The following EEF2 variants were observed in gnomAD, a reference collection of about 807,000 sequenced individuals.
The protein encoded by EEF2 is eukaryotic translation elongation factor 2.
Under a neutral mutation model 85.3 loss-of-function variants are expected in EEF2, and 21 were observed. The observed-to-expected ratio is 0.25, with a 90% CI of 0.17 to 0.35. The LOEUF is 0.35. Among genes scored for constraint, EEF2 ranks in the 10% least tolerant of loss-of-function variants. The probability of loss-of-function intolerance (pLI) is 1.00; values close to 1 mark genes in which losing one functional copy is unlikely to be tolerated. For missense variants in EEF2, 825 were observed against 1,225.3 expected, an observed-to-expected ratio of 0.67 and a Z score of 4.88; for synonymous variants, 723 against 508.8, an observed-to-expected ratio of 1.42 and a Z score of -5.67.
In EEF2 at chr19:3,977,733, G is replaced by GGCAAGGACCAT; in HGVS notation, c.2067+85_2067+86insATGGTCCTTGC. The GGCAAGGACCAT allele has an allele frequency of 6.7e-7, 1 of 1,492,686 alleles. No homozygotes were observed. Among genetic ancestry groups the GGCAAGGACCAT allele is most frequent in the Non-Finnish European group, 8.9e-7 (1 of 1,123,762 alleles). The allele number at this position is 1,492,686 out of a possible 1,614,324, so 92.5% of individuals were successfully genotyped here. A position where few individuals can be genotyped will look rare whatever the true frequency, so the allele number is the denominator to read the frequency against. ...GGCCTTGCCCGCCTTGGCCCCATTA[G>GGCAAGGACCAT]GGTCTCTGTCTCGGGAGGCAGGACC... On this transcript the variant is annotated intron_variant, in intron 12 of 14. Coordinates refer to ENST00000309311, the MANE Select transcript of EEF2 (RefSeq NM_001961.4). The surrounding 1 kb of genome is among the most constrained non-coding windows in gnomAD (Gnocchi z 5.4).
rs768383239 is a variant in EEF2 at position 3,977,301 on chromosome 19, T to C, written c.2297A>G (p.Lys766Arg). 2 of 1,605,430 alleles carry C rather than the reference T, an allele frequency of 1.2e-6. No homozygotes were observed. Among genetic ancestry groups the C allele is most frequent in the East Asian group, 2.2e-5 (1 of 44,456 alleles). The change falls in exon 14 of 15, where the codon AAG becomes AGG. Residue 766 changes from lysine (K) to arginine (R), a missense_variant. Transcript: ENST00000309311. The surrounding 1 kb of genome is among the most constrained non-coding windows in gnomAD (Gnocchi z 5.4). Reference sequence around the variant, plus strand: ...GGACTCCTCGAACACGTGGCCCCGCTTCCTGTTCAAAACCCCGTAGATGCC... The same window carrying C: ...GGACTCCTCGAACACGTGGCCCCGCCTCCTGTTCAAAACCCCGTAGATGCC... ...VGGIYGVLNR[K>R]RGHVFEESQV... is the part of the protein sequence containing the mutation.
At position 3,977,921 on chromosome 19, in the gene EEF2, G is replaced by A. The variant is rs762472006; in HGVS notation, c.1965C>T (p.Asp655=). The change falls in exon 12 of 15, where the codon GAC becomes GAT. Residue 655 remains aspartate, a synonymous_variant. Coordinates refer to ENST00000309311, the MANE Select transcript of EEF2 (RefSeq NM_001961.4). The surrounding 1 kb of genome is among the most constrained non-coding windows in gnomAD (Gnocchi z 5.4). The stretch of plus-strand genomic sequence containing the variant: ...CGGTGAGGATGTTGGGGCCGGTGCC[G>A]TCGGGCCCAAAGCACCAGATCTTGC... ...EARKIWCFGP[D]GTGPNILTDI... 1.5e-5 allele frequency: 24 copies of A among 1,613,436 alleles called. No individual in the cohort carries two copies. Among genetic ancestry groups the A allele is most frequent in the East Asian group, 4.5e-5 (2 of 44,868 alleles).
chr19:3,984,727 G>C (rs2039797943), intron 1 of EEF2: 1 of 222,334 alleles, frequency 4.5e-6, no homozygotes, highest in Admixed American at 5.2e-5. Context: ...ACTTCCCCGA[G>C]CAAGAAGCTT....
In EEF2 at chr19:3,980,948, T is replaced by C; in HGVS notation, c.1043A>G (p.Asp348Gly). The change falls in exon 8 of 15, where the codon GAC becomes GGC. Residue 348 changes from aspartate to glycine, a missense_variant. Physicochemically the swap from Asp to Gly is moderately conservative, Grantham distance 94 (BLOSUM62 -1). Transcript: ENST00000309311. ...AVMRRWLPAG[D>G]ALLQMITIHL... ...GATGGTGATCATCTGCAACAAGGCG[T>C]CTCCGGCAGGCAGCCAGCGGCGCAT... 6.4e-7 allele frequency: 1 copy of C among 1,574,202 alleles called. No homozygotes were observed. Among genetic ancestry groups the C allele is most frequent in the Non-Finnish European group, 8.6e-7 (1 of 1,160,938 alleles).
In EEF2 at chr19:3,978,031, T is replaced by C; in HGVS notation, c.1855A>G (p.Lys619Glu). Reference sequence around the variant, plus strand: ...TCCTGACGGGCGGACACCTCGCCTTTATCGATGTCCTCGGCCAGGCCGTCG... The same window carrying C: ...TCCTGACGGGCGGACACCTCGCCTTCATCGATGTCCTCGGCCAGGCCGTCG... The part of the protein sequence containing the change: ...FPDGLAEDID[K>E]GEVSARQELK... The change falls in exon 12 of 15, where the codon AAA becomes GAA. Residue 619 changes from lysine (K) to glutamate (E), a missense_variant. Lys to Glu is a moderately conservative substitution (Grantham distance 56). Transcript: ENST00000309311. 6.2e-7 allele frequency: 1 copy of C among 1,604,658 alleles called. No individual in the cohort carries two copies.
chr19:3,978,621 C>T (rs1446387826), intron 11 of EEF2, among the ~76,000 whole-genome samples: 4 of 145,296 alleles, frequency 2.8e-5, no homozygotes, highest in Admixed American at 2.1e-4. Flanking sequence ...CTGGCTAACA[C>T]GGTGAAACCC....
At chr19:3,979,519 G>C in intron 10 of EEF2, 83 bp from the exon 11 acceptor site, 2 of 1,212,698 alleles carry the variant, frequency 1.6e-6, no homozygotes, top group Non-Finnish European at 1.2e-6. Flanking sequence ...TTTAGCTAGG[G>C]ACCCCGCCAG....
Position 3,979,326 on chromosome 19 carries a change from C to T in EEF2, c.1713+3G>A, listed in dbSNP as rs770338822. The T allele has an allele frequency of 6.2e-7, 1 of 1,613,286 alleles. No individual in the cohort carries two copies. Among genetic ancestry groups the T allele is most frequent in the Non-Finnish European group, 8.5e-7 (1 of 1,179,360 alleles). On this transcript the variant is annotated splice_donor_region_variant and intron_variant, in intron 11 of 14. Coordinates refer to ENST00000309311, the MANE Select transcript of EEF2 (RefSeq NM_001961.4). ...TGGGGAAGGCTGGTCACTGGCGCCT[C>T]ACCTTGATGGGGATGCAGGCGTGGT...
At chr19:3,982,209 GT>G in intron 5 of EEF2, 36 bp downstream of exon 5, 1 of 1,610,620 alleles carries the variant, frequency 6.2e-7, no homozygotes, top group Non-Finnish European at 8.5e-7. Context: ...CTACCCCCAG[GT>G]GTCAGGAATC....
At position 3,984,337 on chromosome 19, in the gene EEF2, A is replaced by C. The variant is rs748401411; in HGVS notation, c.17T>G (p.Val6Gly). 1 of 1,614,082 alleles carries C rather than the reference A, an allele frequency of 6.2e-7. No homozygotes were observed. Among genetic ancestry groups the C allele is most frequent in the South Asian group, 1.1e-5 (1 of 91,090 alleles). MVNFTVDQIRAIMDKK... is the reference protein window; with the variant it reads MVNFTGDQIRAIMDKK... Reference sequence around the variant, plus strand: ...GTCCATGATGGCGCGGATCTGGTCTACCGTGAAGTTCACCTGGGCAAGACA... The same window carrying C: ...GTCCATGATGGCGCGGATCTGGTCTCCCGTGAAGTTCACCTGGGCAAGACA... Residue 6 changes from valine (V) to glycine (G), a missense_variant, in exon 2 of 15, where the codon GTA (valine) becomes GGA (glycine). Coordinates refer to ENST00000309311, the MANE Select transcript of EEF2 (RefSeq NM_001961.4).
chr19:3,984,601 G>A (rs1251585903), intron 1 of EEF2, among the ~76,000 whole-genome samples: 1 of 152,230 alleles, frequency 6.6e-6, no homozygotes, highest in Admixed American at 6.5e-5. Flanking sequence ...ATAAAACTGA[G>A]TGTCAACAGA....
chr19:3,982,573 A>AG (rs34755178), intron 4 of EEF2, 149 bp from the exon 5 acceptor site: 3 of 1,164,974 alleles, frequency 2.6e-6, no homozygotes, highest in African/African-American at 1.5e-5. Context: ...CATCACGAAT[A>AG]GGGGGGCCAG....
rs1568202002 is a variant in EEF2, at chr19:3,982,542, CA to C, written c.613-119del. Reference sequence around the variant, plus strand: ...AGGCTTTCTTCAGTAGACATCTGGTCAAAGTGAAGAAATGATCAGTCATCAC... The same window carrying C: ...AGGCTTTCTTCAGTAGACATCTGGTCAAGTGAAGAAATGATCAGTCATCAC... On this transcript the variant is annotated intron_variant, in intron 4 of 14. Coordinates refer to ENST00000309311, the MANE Select transcript of EEF2 (RefSeq NM_001961.4). 12 of 1,344,020 alleles carry C rather than the reference CA, an allele frequency of 8.9e-6. No individual in the cohort carries two copies. In the East Asian group the frequency reaches 2.5e-4, roughly 28 times the overall value. 83.3% of individuals were successfully genotyped at this position (1,344,020 alleles called of 1,614,324 possible). A position where few individuals can be genotyped will look rare whatever the true frequency, so the allele number is the denominator to read the frequency against.
Position 3,979,320 on chromosome 19 carries a change from G to T in EEF2, c.1713+9C>A. ...GGGGCGTGGGGAAGGCTGGTCACTGGCGCCTCACCTTGATGGGGATGCAGG... is the reference window on the plus strand; with the variant it reads ...GGGGCGTGGGGAAGGCTGGTCACTGTCGCCTCACCTTGATGGGGATGCAGG... On this transcript the variant is annotated intron_variant, in intron 11 of 14. Coordinates refer to ENST00000309311, the MANE Select transcript of EEF2 (RefSeq NM_001961.4). 1 of 1,610,856 alleles carries T rather than the reference G, an allele frequency of 6.2e-7. No homozygotes were observed. Among genetic ancestry groups the T allele is most frequent in the East Asian group, 2.2e-5 (1 of 44,860 alleles).
At position 3,982,048 on chromosome 19, in the gene EEF2, A is replaced by G; in HGVS notation, c.796T>C (p.Phe266Leu). Residue 266 changes from phenylalanine to leucine, a missense_variant, in exon 6 of 15, where the codon TTT (phenylalanine) becomes CTT (leucine). Physicochemically the swap from Phe to Leu is conservative, Grantham distance 22. Coordinates refer to ENST00000309311, the MANE Select transcript of EEF2 (RefSeq NM_001961.4). Reference protein sequence around the residue: ...MMKKLWGDRYFDPANGKFSKS... With the variant: ...MMKKLWGDRYLDPANGKFSKS... ...CTGAACTTGCCGTTGGCTGGGTCAA[A>G]GTACCTGGCAAGGAGAGGCCAAGCC... 3.7e-6 allele frequency: 6 copies of G among 1,614,116 alleles called. No homozygotes were observed. Among genetic ancestry groups the G allele is most frequent in the Non-Finnish European group, 5.1e-6 (6 of 1,179,994 alleles).
rs747817117 is a variant in EEF2, at chr19:3,977,380, C to T, written c.2251-33G>A. On this transcript the variant is annotated intron_variant, in intron 13 of 14. Transcript: ENST00000309311. This position sits in a 1 kb window ranked among gnomAD's most constrained non-coding sequence, Gnocchi z 5.4. ...AAGGGAAAGAAAACCTGTCAGTGGCCGCTGGGCAGGACGGTGGCAGGGTCA... is the reference window on the plus strand; with the variant it reads ...AAGGGAAAGAAAACCTGTCAGTGGCTGCTGGGCAGGACGGTGGCAGGGTCA... 50 of 1,591,912 alleles carry T rather than the reference C, an allele frequency of 3.1e-5. 1 individual carries two copies. In the South Asian group the frequency reaches 3.5e-4, roughly 11 times the overall value.
chr19:3,982,555 T>C (rs201653489), intron 4 of EEF2, 131 bp from the exon 5 acceptor site: 70 of 1,283,942 alleles, frequency 5.5e-5, no homozygotes, highest in African/African-American at 2.9e-5. Context: ...AGTGAAGAAA[T>C]GATCAGTCAT....
intron 2 of EEF2, 26 bp downstream of exon 2, chr19:3,984,110 G>C (rs374331272): frequency 6.2e-7 from 1 of 1,607,092 alleles, no homozygotes; most frequent in African/African-American, 1.3e-5. Flanking sequence ...CTCCCTGCCT[G>C]GGTACAGAGG....
At chr19:3,978,843 C>A (rs12104134) in intron 11 of EEF2, among the ~76,000 whole-genome samples, 1 of 138,906 alleles carries the variant, frequency 7.2e-6, no homozygotes, top group African/African-American at 2.8e-5. Context: ...AGCCCTGGGC[C>A]AGGCATGGTG....
Sources: gnomAD v4.1 joint callset for allele counts (sites outside exome capture counted in the v4.1 genomes callset) on GRCh38, gnomAD v4.1.1 for gene constraint, Gnocchi (gnomAD v3.1) non-coding constraint, MANE v1.5 for transcripts, NCBI Gene and HGNC (gene_info 2026-07-23, HGNC 2026-07-21) for gene names.